B4GALT4: variants seen among roughly 807,000 people sequenced by gnomAD.
The protein encoded by B4GALT4 is beta-1,4-galactosyltransferase 4, also known as N-acetyllactosamine synthase.
Under a neutral mutation model 37.3 loss-of-function variants are expected in B4GALT4, and 27 were observed. That is an observed-to-expected ratio of 0.72 (90% CI 0.53 to 1.00). B4GALT4 has a LOEUF of 1.00. B4GALT4 is among the 50% of genes least tolerant of loss of function. The probability of loss-of-function intolerance (pLI) is 0.00; values close to 1 mark genes in which losing one functional copy is unlikely to be tolerated. For missense variants in B4GALT4, 372 were observed against 413.1 expected, an observed-to-expected ratio of 0.90 and a Z score of 0.86; for synonymous variants, 148 against 154.1, an observed-to-expected ratio of 0.96 and a Z score of 0.29.
intron 7 of B4GALT4, chr3:119,214,937 TGACACAACCA>T (rs2107457518): frequency 6.6e-6 from 1 of 152,278 alleles, no homozygotes; most frequent in African/African-American, 2.4e-5. Context: ...CATCACAAAA[TGACACAACCA>T]GACATTACAT....
At chr3:119,218,996 C>G (rs994477417) in intron 5 of B4GALT4, among the ~76,000 whole-genome samples, 1 of 151,984 alleles carries the variant, frequency 6.6e-6, no homozygotes, top group Non-Finnish European at 1.5e-5. Context: ...AAAGTGCCAC[C>G]CAGCTGTTAA....
chr3:119,239,171 C>T (rs2079073219), intron 1 of B4GALT4, among the ~76,000 whole-genome samples: 1 of 151,912 alleles, frequency 6.6e-6, no homozygotes, highest in Non-Finnish European at 1.5e-5. Context: ...ACTAAAAATA[C>T]AAAAATTAGC....
intron 7 of B4GALT4, chr3:119,213,097 T>G (rs1005154844): frequency 6.5e-6 from 1 of 153,382 alleles, no homozygotes; most frequent in African/African-American, 2.4e-5. Context: ...CCAAAAAAAT[T>G]AGAATGTATG....
At chr3:119,221,278 T>C (rs1380337516) in intron 5 of B4GALT4, among the ~76,000 whole-genome samples, 1 of 152,214 alleles carries the variant, frequency 6.6e-6, no homozygotes, top group Non-Finnish European at 1.5e-5. Flanking sequence ...CCATAGGCAG[T>C]GAGAAACAAG....
chr3:119,220,757 C>G (rs571546706), intron 5 of B4GALT4, among the ~76,000 whole-genome samples: 1 of 152,116 alleles, frequency 6.6e-6, no homozygotes, highest in Non-Finnish European at 1.5e-5. Context: ...GAGGCCAAGG[C>G]GGACGGATCA....
In B4GALT4 at chr3:119,216,278, G is replaced by C. The variant is rs2078287199; in HGVS notation, c.864C>G (p.Phe288Leu). The C allele has an allele frequency of 6.2e-7, 1 of 1,613,758 alleles. No individual in the cohort carries two copies. Among genetic ancestry groups the C allele is most frequent in the East Asian group, 2.2e-5 (1 of 44,860 alleles). The change falls in exon 7 of 8, where the codon TTC (phenylalanine) becomes TTG (leucine). Residue 288 changes from phenylalanine (F) to leucine (L), a missense_variant. Transcript: ENST00000393765. ...CCTCATTGCCTTTGTCTCTAGTGTG[G>C]AAGACCATTGTATATTTACCCACTT... ...LPEVGKYTMV[F>L]HTRDKGNEVN...
chr3:119,216,635 T>A (rs1196368928), intron 6 of B4GALT4, among the ~76,000 whole-genome samples: 1 of 152,146 alleles, frequency 6.6e-6, no homozygotes, highest in Non-Finnish European at 1.5e-5. Flanking sequence ...TACTTAGTCA[T>A]TTTCAAAAAG....
chr3:119,220,856 C>A (rs776761650), intron 5 of B4GALT4, among the ~76,000 whole-genome samples: 11 of 152,060 alleles, frequency 7.2e-5, no homozygotes, highest in Non-Finnish European at 1.5e-4. Flanking sequence ...CGTGGTGGCA[C>A]GTGCCTGTAG....
Position 119,212,639 on chromosome 3 carries a change from A to T in B4GALT4, c.945T>A (p.Asp315Glu). The change falls in exon 8 of 8, where the codon GAT becomes GAA. Residue 315 changes from aspartate to glutamate, a missense_variant. Transcript: ENST00000393765. Reference sequence around the variant, plus strand: ...ATTTATAAGAACAACTACTCAACCCATCTGTTCTCCAGACTCGTGACACTT... The same window carrying T: ...ATTTATAAGAACAACTACTCAACCCTTCTGTTCTCCAGACTCGTGACACTT... ...LHQVSRVWRT[D>E]GLSSCSYKLV... 1 of 1,612,588 alleles carries T rather than the reference A, an allele frequency of 6.2e-7. No homozygotes were observed. Among genetic ancestry groups the T allele is most frequent in the Non-Finnish European group, 8.5e-7 (1 of 1,179,478 alleles).
Position 119,224,064 on chromosome 3 carries a change from C to T in B4GALT4, c.668G>A (p.Gly223Glu), listed in dbSNP as rs1223479815. The part of the protein sequence containing the change: ...KHLVVGRNST[G>E]YRLRYSGYFG... Reference sequence around the variant, plus strand: ...CTCAGCAGAACCACCTTACCTGTACCCAGTGCTGTTCCTGCCAACCACCAG... The same window carrying T: ...CTCAGCAGAACCACCTTACCTGTACTCAGTGCTGTTCCTGCCAACCACCAG... Residue 223 changes from glycine to glutamate, a missense_variant, in exon 5 of 8, where the codon GGG becomes GAG. Coordinates refer to ENST00000393765, the MANE Select transcript of B4GALT4 (RefSeq NM_003778.4). The T allele has an allele frequency of 6.2e-7, 1 of 1,612,614 alleles. No homozygotes were observed. The highest frequency in any genetic ancestry group is 8.5e-7 in the Non-Finnish European group (1 of 1,179,334).
At chr3:119,216,824 C>A (rs1020083106) in intron 6 of B4GALT4, among the ~76,000 whole-genome samples, 1 of 152,184 alleles carries the variant, frequency 6.6e-6, no homozygotes, top group Non-Finnish European at 1.5e-5. Context: ...TTATTTACAA[C>A]CTCAGTAAGT....
At chr3:119,222,441 C>T (rs1362499557) in intron 5 of B4GALT4, among the ~76,000 whole-genome samples, 3 of 149,246 alleles carry the variant, frequency 2.0e-5, no homozygotes, top group Non-Finnish European at 3.0e-5. Context: ...CCCGCCCTAA[C>T]TCAGACATGT....
chr3:119,231,332 C>T (rs749118609), intron 2 of B4GALT4, among the ~76,000 whole-genome samples: 4 of 152,138 alleles, frequency 2.6e-5, no homozygotes, highest in Non-Finnish European at 5.9e-5. Flanking sequence ...CCTGGTTTGC[C>T]GCCAGCAACA....
Position 119,230,075 on chromosome 3 carries a change from G to T in B4GALT4, c.25C>A (p.Leu9Ile). 1 of 1,614,176 alleles carries T rather than the reference G, an allele frequency of 6.2e-7. No individual in the cohort carries two copies. The highest frequency in any genetic ancestry group is 8.5e-7 in the Non-Finnish European group (1 of 1,180,028). ...AACAGTAATCGGAATTTGTAGGAAA[G>T]GTGGAAAGTCAGGTTGAAGCCCATG... MGFNLTFH[L>I]SYKFRLLLLL... Residue 9 changes from leucine to isoleucine, a missense_variant, in exon 3 of 8, where the codon CTT becomes ATT. Leu to Ile is a conservative substitution (Grantham distance 5). Coordinates refer to ENST00000393765, the MANE Select transcript of B4GALT4 (RefSeq NM_003778.4).
In B4GALT4 at chr3:119,212,150, C is replaced by G. The variant is rs547993757; in HGVS notation, c.*399G>C. On this transcript the variant is annotated 3_prime_UTR_variant, in exon 8 of 8. Transcript: ENST00000393765. Reference sequence around the variant, plus strand: ...TATCTTCGTACCTTTCTACCTTGGACGAGAACAACTCTGGTTCTCTCAGAC... The same window carrying G: ...TATCTTCGTACCTTTCTACCTTGGAGGAGAACAACTCTGGTTCTCTCAGAC... The G allele has an allele frequency of 1.4e-6, 1 of 703,032 alleles. No homozygotes were observed. Among genetic ancestry groups the G allele is most frequent in the Non-Finnish European group, 2.6e-6 (1 of 385,004 alleles). 43.5% of individuals were successfully genotyped at this position (703,032 alleles called of 1,614,324 possible).
In B4GALT4 at chr3:119,223,544, T is replaced by C. The variant is rs556633886; in HGVS notation, c.674+514A>G. On this transcript the variant is annotated intron_variant, in intron 5 of 7. Transcript: ENST00000393765. ...GGCATCTGGCACTTCTCACAGTGGCTTTGAGAGAAATGAACTTGTCCTGGG... is the reference window on the plus strand; with the variant it reads ...GGCATCTGGCACTTCTCACAGTGGCCTTGAGAGAAATGAACTTGTCCTGGG... 3.3e-5 allele frequency among the ~76,000 whole-genome samples: 5 copies of C among 152,176 alleles called. No homozygotes were observed. In the South Asian group the frequency reaches 1.0e-3, roughly 32 times the overall value.
At chr3:119,239,951 G>C (rs1335373771) in intron 1 of B4GALT4, 1 of 144,542 alleles carries the variant, frequency 6.9e-6, no homozygotes, top group Non-Finnish European at 1.5e-5. Flanking sequence ...ATCTCTCCTT[G>C]ATTTTCTTGC....
At chr3:119,219,438 C>T (rs1183907415) in intron 5 of B4GALT4, among the ~76,000 whole-genome samples, 1 of 152,224 alleles carries the variant, frequency 6.6e-6, no homozygotes, top group Non-Finnish European at 1.5e-5. Context: ...AAAGGAAGGA[C>T]AGTGAATCAT....
At chr3:119,214,046 A>AAG (rs1356154007) in intron 7 of B4GALT4, 1 of 151,514 alleles carries the variant, frequency 6.6e-6, no homozygotes. Context: ...GCAACACAGG[A>AAG]AGACCCTGTC....
Sources: allele counts gnomAD v4.1 joint callset (sites outside exome capture counted in the v4.1 genomes callset), GRCh38; gene constraint gnomAD v4.1.1; transcripts MANE v1.5; gene names NCBI Gene and HGNC (gene_info 2026-07-23, HGNC 2026-07-21).